The following BLTP3A variants were observed in gnomAD, a reference collection of about 807,000 sequenced individuals.
BLTP3A encodes the protein bridge-like lipid transfer protein family member 3A.
At chr6:34,863,080 AT>A in the BLTP3A span, among the ~76,000 whole-genome samples, 1 of 151,480 alleles carries the variant, frequency 6.6e-6, no homozygotes, top group Non-Finnish European at 1.5e-5. Context: ...TAATCTTTGT[AT>A]TTTTTTGTAG....
chr6:34,865,974 G>GC, the BLTP3A span, among the ~76,000 whole-genome samples: 3 of 152,198 alleles, frequency 2.0e-5, no homozygotes, highest in African/African-American at 7.2e-5. Flanking sequence ...CTTTTGGGAG[G>GC]CCAAGGTGGG....
At chr6:34,802,038 G>T in the BLTP3A span, among the ~76,000 whole-genome samples, 933 of 152,084 alleles carry the variant, frequency 6.1e-3, 4 homozygotes, top group African/African-American at 0.018. Flanking sequence ...TGCCTGGCCT[G>T]CACAGCTTTA....
chr6:34,802,782 A>C, the BLTP3A span, among the ~76,000 whole-genome samples: 2 of 152,172 alleles, frequency 1.3e-5, no homozygotes, highest in Non-Finnish European at 2.9e-5. Flanking sequence ...AAATGATTTT[A>C]TTGTAAATTA....
chr6:34,799,167 C>G, the BLTP3A span, among the ~76,000 whole-genome samples: 6 of 152,082 alleles, frequency 3.9e-5, no homozygotes, highest in Non-Finnish European at 7.3e-5. Context: ...GTCTTGAACT[C>G]CAGACCTCAA....
the BLTP3A span, chr6:34,856,164 A>G: frequency 5.2e-6 from 8 of 1,532,100 alleles, no homozygotes; most frequent in South Asian, 5.0e-5. Flanking sequence ...AACTATGACT[A>G]TACTGACAGA....
the BLTP3A span, among the ~76,000 whole-genome samples, chr6:34,869,587 C>T: frequency 7.0e-6 from 1 of 143,692 alleles, no homozygotes; most frequent in Non-Finnish European, 1.5e-5. Context: ...GTTGAATTAG[C>T]TATAATTTGT....
the BLTP3A span, chr6:34,872,459 G>A: frequency 6.3e-7 from 1 of 1,597,060 alleles, no homozygotes; most frequent in Non-Finnish European, 8.5e-7. Flanking sequence ...TCAGCCATCT[G>A]TGCCAAGGAG....
the BLTP3A span, among the ~76,000 whole-genome samples, chr6:34,828,159 T>C: frequency 1.8e-4 from 27 of 151,950 alleles, no homozygotes; most frequent in Non-Finnish European, 3.8e-4. Context: ...TAAAAATATA[T>C]CCTGGAAAGC....
the BLTP3A span, among the ~76,000 whole-genome samples, chr6:34,798,679 G>A: frequency 2.1e-5 from 3 of 143,832 alleles, no homozygotes; most frequent in Non-Finnish European, 3.0e-5. Context: ...TAGATTCTGA[G>A]GTATTTAAAA....
chr6:34,844,848 T>C, the BLTP3A span, among the ~76,000 whole-genome samples: 1 of 152,252 alleles, frequency 6.6e-6, no homozygotes, highest in Non-Finnish European at 1.5e-5. Context: ...GCAGAGGCTT[T>C]TTAACTTAAT....
the BLTP3A span, chr6:34,859,232 C>T: frequency 1.2e-6 from 2 of 1,614,004 alleles, no homozygotes; most frequent in Admixed American, 1.7e-5. Context: ...GACTCAGGTC[C>T]ACTTGCCCAG....
chr6:34,848,097 T>A, the BLTP3A span, among the ~76,000 whole-genome samples: 1 of 150,482 alleles, frequency 6.6e-6, no homozygotes, highest in Non-Finnish European at 1.5e-5. Flanking sequence ...TTTTTTTTTT[T>A]TTTTGTAGAG....
chr6:34,869,074 C>T, the BLTP3A span, among the ~76,000 whole-genome samples: 3,993 of 151,652 alleles, frequency 0.026, 179 homozygotes, highest in African/African-American at 0.091. Flanking sequence ...GGCACGAATT[C>T]GACGTGCTGC....
At chr6:34,794,947 G>A in the BLTP3A span, among the ~76,000 whole-genome samples, 1 of 151,702 alleles carries the variant, frequency 6.6e-6, no homozygotes, top group Non-Finnish European at 1.5e-5. Flanking sequence ...ACCACGCCCA[G>A]CTAATTTTTT....
the BLTP3A span, among the ~76,000 whole-genome samples, chr6:34,826,302 G>A: frequency 2.0e-5 from 3 of 151,252 alleles, no homozygotes; most frequent in Non-Finnish European, 4.4e-5. Context: ...GATTACAGGC[G>A]TGAGCCACCG....
chr6:34,803,371 T>C, the BLTP3A span, among the ~76,000 whole-genome samples: 1 of 152,120 alleles, frequency 6.6e-6, no homozygotes, highest in South Asian at 2.1e-4. Context: ...TGTCTCTTAC[T>C]CACCTCTGGA....
chr6:34,872,166 A>G, the BLTP3A span: 1 of 1,038,066 alleles, frequency 9.6e-7, no homozygotes, highest in Non-Finnish European at 1.4e-6. Context: ...AGAGGGAATC[A>G]AGGTCTTAGA....
the BLTP3A span, among the ~76,000 whole-genome samples, chr6:34,806,794 G>A: frequency 6.6e-6 from 1 of 152,086 alleles, no homozygotes; most frequent in African/African-American, 2.4e-5. Flanking sequence ...CTGAGTAGCT[G>A]GATTACAGGC....
chr6:34,873,418 G>A, the BLTP3A span: 1 of 152,086 alleles, frequency 6.6e-6, no homozygotes. Context: ...CTGAATATAT[G>A]TTTTAAACTT....
Sources: gnomAD v4.1 joint callset for allele counts (sites outside exome capture counted in the v4.1 genomes callset) on GRCh38, gnomAD v4.1.1 for gene constraint, MANE v1.5 for transcripts, NCBI Gene and HGNC (gene_info 2026-07-23, HGNC 2026-07-21) for gene names.